The following ABCD4 variants were observed in gnomAD, a reference collection of about 807,000 sequenced individuals.
ABCD4 encodes ATP binding cassette subfamily D member 4.
ABCD4 carries 53 observed loss-of-function variants against 86.3 expected under a neutral mutation model. The observed-to-expected ratio is 0.61, with a 90% confidence interval of 0.49 to 0.77. ABCD4 has a LOEUF of 0.77. Ranked by LOEUF, ABCD4 falls within the 30% of genes least tolerant of loss-of-function variation. The probability of loss-of-function intolerance (pLI) is 0.00; values close to 1 mark genes in which losing one functional copy is unlikely to be tolerated. For missense variants in ABCD4, 757 were observed against 764.5 expected (o/e 0.99, Z 0.12); for synonymous variants, 328 against 313.6 (o/e 1.05, Z -0.49).
At chr14:74,297,231 G>A (rs1004753895) in intron 4 of ABCD4, 2 of 152,254 alleles carry the variant, frequency 1.3e-5, no homozygotes, top group African/African-American at 4.8e-5. Flanking sequence ...CTTGCTATGT[G>A]TCAAGCACTG....
intron 1 of ABCD4, among the ~76,000 whole-genome samples, chr14:74,301,741 A>C (rs373853267): frequency 2.0e-5 from 3 of 152,046 alleles, no homozygotes; most frequent in Admixed American, 2.0e-4. Context: ...CTTTGCTAAA[A>C]ATACAAAAAA....
At chr14:74,293,910 G>A (rs2082180742) in intron 7 of ABCD4, 2 of 152,238 alleles carry the variant, frequency 1.3e-5, no homozygotes, top group Admixed American at 6.5e-5. Context: ...TCAAGGATGG[G>A]AAGAAATTCG....
chr14:74,295,812 T>G, intron 6 of ABCD4, 42 bp downstream of exon 6: 2 of 1,608,624 alleles, frequency 1.2e-6, no homozygotes, highest in East Asian at 2.2e-5. Flanking sequence ...CTTCCTTAAC[T>G]ATTATGCCCC....
At chr14:74,299,514 G>A in intron 3 of ABCD4, 34 bp downstream of exon 3, 1 of 1,610,416 alleles carries the variant, frequency 6.2e-7, no homozygotes, top group Non-Finnish European at 8.5e-7. Flanking sequence ...GGACTGGAGA[G>A]GACGAGAGAC....
chr14:74,289,719 G>C (rs567502061), intron 13 of ABCD4, 200 bp from the exon 14 acceptor site: 1 of 1,437,110 alleles, frequency 7.0e-7, no homozygotes, highest in South Asian at 1.5e-5. Flanking sequence ...TGTTTAGGGG[G>C]AACAGTCTGA....
chr14:74,288,681 G>A, intron 15 of ABCD4, 35 bp downstream of exon 15: 1 of 1,609,646 alleles, frequency 6.2e-7, no homozygotes, highest in Non-Finnish European at 8.5e-7. Flanking sequence ...GCTCCCAGGT[G>A]GGCTCGGGTC....
rs987499556 is a variant in ABCD4, at chr14:74,295,200, T to C, written c.669-2A>G. The C allele has an allele frequency of 1.9e-6, 3 of 1,614,110 alleles. No individual in the cohort carries two copies. The highest frequency in any genetic ancestry group is 2.7e-5 in the African/African-American group (2 of 74,942). ...ACCCGAATCTGCATGTGCTTGAACCTGGGCGGACCAAAGGGAAATGTGTGC... is the reference window on the plus strand; with the variant it reads ...ACCCGAATCTGCATGTGCTTGAACCCGGGCGGACCAAAGGGAAATGTGTGC... On this transcript the variant is annotated splice_acceptor_variant, in intron 6 of 18. Transcript: ENST00000356924. LOFTEE classifies it high-confidence loss of function.
intron 12 of ABCD4, 68 bp downstream of exon 12, chr14:74,290,223 C>T: frequency 6.2e-7 from 1 of 1,611,268 alleles, no homozygotes; most frequent in South Asian, 1.1e-5. Context: ...TTCTACCACA[C>T]CGTCCCCGCC....
Position 74,292,543 on chromosome 14 carries a change from G to A in ABCD4, c.1028+8C>T, listed in dbSNP as rs367594362. 23 of 1,613,454 alleles carry A rather than the reference G, an allele frequency of 1.4e-5. No homozygotes were observed. Among genetic ancestry groups the A allele is most frequent in the South Asian group, 2.2e-5 (2 of 91,030 alleles). On this transcript the variant is annotated splice_region_variant and intron_variant, in intron 10 of 18. Transcript: ENST00000356924. ...CTCAGGAGCCAGAGGGGTGGGACAC[G>A]GCCTCACCTGTGCGTGTAGCCAGCC...
intron 14 of ABCD4, chr14:74,289,164 A>T: frequency 1.7e-6 from 2 of 1,147,706 alleles, no homozygotes; most frequent in East Asian, 4.3e-5. Flanking sequence ...ATCATGGATG[A>T]TGCAGGGGTG....
chr14:74,287,670 A>G, intron 17 of ABCD4, 140 bp downstream of exon 17: 1 of 749,404 alleles, frequency 1.3e-6, no homozygotes, highest in Non-Finnish European at 2.3e-6. Context: ...TTACACGGGC[A>G]GGGCCTGCTG....
In ABCD4 at chr14:74,298,078, T is replaced by C. The variant is rs1312406216; in HGVS notation, c.286-9A>G. The C allele has an allele frequency of 2.5e-6, 4 of 1,612,584 alleles. No homozygotes were observed. Among genetic ancestry groups the C allele is most frequent in the Non-Finnish European group, 3.4e-6 (4 of 1,179,680 alleles). ...TGATCAAAGCTCTTCAGCTGTGCAG[T>C]GGGGGAAGCAAGGGGAAGGGAGAGA... On this transcript the variant is annotated splice_polypyrimidine_tract_variant and intron_variant, in intron 3 of 18. Transcript: ENST00000356924.
chr14:74,293,102 A>C (rs373120785), intron 8 of ABCD4, 52 bp downstream of exon 8: 197 of 1,573,000 alleles, frequency 1.3e-4, no homozygotes, highest in Non-Finnish European at 1.7e-4. Context: ...TGGGAAGGGA[A>C]GCAGACCAGT....
In ABCD4 at chr14:74,290,114, T is replaced by G; in HGVS notation, c.1332A>C (p.Ser444=). 1 of 1,614,170 alleles carries G rather than the reference T, an allele frequency of 6.2e-7. No homozygotes were observed. Among genetic ancestry groups the G allele is most frequent in the Non-Finnish European group, 8.5e-7 (1 of 1,180,032 alleles). Reference sequence around the variant, plus strand: ...GCCCAAAGTCCGTCAGCATCTGCACTGAGCCTGCAGAGCCCACAGAAACCT... The same window carrying G: ...GCCCAAAGTCCGTCAGCATCTGCACGGAGCCTGCAGAGCCCACAGAAACCT... ...LGGLWTSTRG[S]VQMLTDFGPH... The change falls in exon 13 of 19, where the codon TCA becomes TCC. Residue 444 remains serine, a synonymous_variant. Coordinates refer to ENST00000356924, the MANE Select transcript of ABCD4 (RefSeq NM_005050.4).
rs746925493 is a variant in ABCD4, at chr14:74,292,813, T to C, written c.871A>G (p.Ile291Val). 4 of 1,614,116 alleles carry C rather than the reference T, an allele frequency of 2.5e-6. No individual in the cohort carries two copies. The highest frequency in any genetic ancestry group is 4.5e-5 in the East Asian group (2 of 44,886). ...GSILSYVVIA[I>V]PIFSGVYGDL... ...CCATAGACCCCGCTGAAAATGGGGA[T>C]TGCGATGACAACGTAACTCAGGATG... The change falls in exon 9 of 19, where the codon ATC becomes GTC. Residue 291 changes from isoleucine (I) to valine (V), a missense_variant. Transcript: ENST00000356924.
Position 74,300,063 on chromosome 14 carries a change from CAAAAAAAAAAAA to C in ABCD4, c.157+75_157+86del, listed in dbSNP as rs10557205. ...GGGCAACAAGAGAGAAACTCTGTCT[CAAAAAAAAAAAA>C]AAAAAAAAAAAAGATGGAAAGGGAC... On this transcript the variant is annotated intron_variant, in intron 2 of 18. Coordinates refer to ENST00000356924, the MANE Select transcript of ABCD4 (RefSeq NM_005050.4). 2.1e-4 allele frequency: 69 copies of C among 329,088 alleles called. 1 individual carries two copies. The highest frequency in any genetic ancestry group is 2.1e-4 in the Non-Finnish European group (39 of 187,270). 20.4% of individuals were successfully genotyped at this position (329,088 alleles called of 1,614,324 possible).
chr14:74,294,022 G>A (rs1360736828), intron 7 of ABCD4: 1 of 152,078 alleles, frequency 6.6e-6, no homozygotes, highest in East Asian at 1.9e-4. Context: ...AGAGCTTCAT[G>A]AGCAGAGGCT....
intron 4 of ABCD4, 154 bp downstream of exon 4, chr14:74,297,776 C>T (rs2083252252): frequency 2.9e-6 from 4 of 1,398,174 alleles, no homozygotes; most frequent in African/African-American, 1.5e-5. Context: ...CTCCAGGAGT[C>T]CTCTGCAGGG....
chr14:74,294,910 C>T (rs755296124), intron 7 of ABCD4: 10 of 561,876 alleles, frequency 1.8e-5, no homozygotes, highest in Admixed American at 6.3e-5. Context: ...TCAGGCCCCA[C>T]GCTAGGCCAC....
Sources: allele counts gnomAD v4.1 joint callset (sites outside exome capture counted in the v4.1 genomes callset), GRCh38; gene constraint gnomAD v4.1.1; transcripts MANE v1.5; gene names NCBI Gene and HGNC (gene_info 2026-07-23, HGNC 2026-07-21).